The following MR1 variants were observed in gnomAD, a reference collection of about 807,000 sequenced individuals.
The protein encoded by MR1 is major histocompatibility complex class I-related protein 1.
MR1 carries 44 observed loss-of-function variants against 37.8 expected under a neutral mutation model. That is an observed-to-expected ratio of 1.16 (90% CI 0.91 to 1.50). The LOEUF (loss-of-function observed/expected upper bound fraction) is 1.50, where lower values mean the gene tolerates loss of function less well. Among genes scored for constraint, MR1 ranks in the 40% most tolerant of loss-of-function variants. The pLI is 0.00. For missense variants in MR1, 386 were observed against 419.1 expected (o/e 0.92, Z 0.69); for synonymous variants, 153 against 155.8 (o/e 0.98, Z 0.13).
Position 181,052,578 on chromosome 1 carries a change from C to T in MR1, c.880+68C>T, listed in dbSNP as rs551334869. 7.9e-6 allele frequency: 12 copies of T among 1,528,246 alleles called. No individual in the cohort carries two copies. In the East Asian group the frequency reaches 1.1e-4, roughly 14 times the overall value. The allele number at this position is 1,528,246 out of a possible 1,614,324, so 94.7% of individuals were successfully genotyped here. A position where few individuals can be genotyped will look rare whatever the true frequency, so the allele number is the denominator to read the frequency against. On this transcript the variant is annotated intron_variant, in intron 4 of 5. Coordinates refer to ENST00000367580, the MANE Select transcript of MR1 (RefSeq NM_001385161.1). The stretch of plus-strand genomic sequence containing the variant: ...AAAGGGGTGAGCAGGAAACCATGCT[C>T]GCTGCCAGGGAGGGGAGGATAGATC...
intron 1 of MR1, among the ~76,000 whole-genome samples, chr1:181,043,188 C>G (rs1284807138): frequency 6.6e-6 from 1 of 152,186 alleles, no homozygotes; most frequent in Non-Finnish European, 1.5e-5. Context: ...CCCTCCCAAC[C>G]CAAGCCCTCA....
In MR1 at chr1:181,052,247, T is replaced by G; in HGVS notation, c.617T>G (p.Val206Gly). 6.2e-7 allele frequency: 1 copy of G among 1,614,000 alleles called. No individual in the cohort carries two copies. Among genetic ancestry groups the G allele is most frequent in the Non-Finnish European group, 8.5e-7 (1 of 1,179,894 alleles). The change falls in exon 4 of 6, where the codon GTC (valine) becomes GGC (glycine). Residue 206 changes from valine to glycine, a missense_variant. Physicochemically the swap from Val to Gly is moderately radical, Grantham distance 109. Transcript: ENST00000367580. ...TTCTTCTTCCTAGAGCCCCCACTGG[T>G]CAGAGTAAATCGCAAAGAAACTTTT... Reference protein sequence around the residue: ...DTLQRTEPPLVRVNRKETFPG... With the variant: ...DTLQRTEPPLGRVNRKETFPG...
At position 181,050,272 on chromosome 1, in the gene MR1, C is replaced by A; in HGVS notation, c.590C>A (p.Thr197Asn). 2 of 1,614,154 alleles carry A rather than the reference C, an allele frequency of 1.2e-6. No homozygotes were observed. The highest frequency in any genetic ancestry group is 1.7e-6 in the Non-Finnish European group (2 of 1,180,026). Reference sequence around the variant, plus strand: ...AGATTCCTGGAGTATGGGAAAGACACCCTACAAAGAACAGGTAAAGAGAAA... The same window carrying A: ...AGATTCCTGGAGTATGGGAAAGACAACCTACAAAGAACAGGTAAAGAGAAA... ...LKRFLEYGKD[T>N]LQRTEPPLVR... is the part of the protein sequence containing the mutation. The change falls in exon 3 of 6, where the codon ACC becomes AAC. Residue 197 changes from threonine to asparagine, a missense_variant. Transcript: ENST00000367580.
rs187757802 is a variant in MR1, at chr1:181,042,064, T to G, written c.68-6988T>G. Among the ~76,000 whole-genome samples, 311 of 152,298 alleles carry G rather than the reference T, an allele frequency of 2.0e-3. 6 individuals carry two copies. Among genetic ancestry groups the G allele is most frequent in the Admixed American group, 0.018 (269 of 15,300 alleles). ...TCTTTAGACAGTTGTGTACCTCCAG[T>G]GTAGCCACAAAACTTTCCAGATGTG... On this transcript the variant is annotated intron_variant, in intron 1 of 5. Transcript: ENST00000367580.
Position 181,060,937 on chromosome 1 carries a change from T to TGAAAACACTCA in MR1, c.*5675_*5685dup, listed in dbSNP as rs1287174917. On this transcript the variant is annotated 3_prime_UTR_variant, in exon 6 of 6. Coordinates refer to ENST00000367580, the MANE Select transcript of MR1 (RefSeq NM_001385161.1). ...TGGGGTCCCCTGGATATAAGATTTC[T>TGAAAACACTCA]GAAAACACTCAGACTGTGGAGACCC... 6.6e-6 allele frequency: 1 copy of TGAAAACACTCA among 152,226 alleles called. No individual in the cohort carries two copies. Among genetic ancestry groups the TGAAAACACTCA allele is most frequent in the African/African-American group, 2.4e-5 (1 of 41,424 alleles). 9.4% of individuals were successfully genotyped at this position (152,226 alleles called of 1,614,324 possible). A position where few individuals can be genotyped will look rare whatever the true frequency, so the allele number is the denominator to read the frequency against.
chr1:181,042,225 G>C (rs796679648), intron 1 of MR1, among the ~76,000 whole-genome samples: 14 of 133,466 alleles, frequency 1.0e-4, no homozygotes, highest in African/African-American at 4.1e-4. Flanking sequence ...TTTTTGAGAT[G>C]GAGTCTCGCT....
At chr1:181,050,315 A>T in intron 3 of MR1, 29 bp downstream of exon 3, 1 of 1,613,486 alleles carries the variant, frequency 6.2e-7, no homozygotes, top group South Asian at 1.1e-5. Flanking sequence ...CCTCATTCCC[A>T]CATTGCCTGA....
chr1:181,054,099 G>T (rs1250008801), intron 5 of MR1, among the ~76,000 whole-genome samples: 3 of 152,176 alleles, frequency 2.0e-5, no homozygotes, highest in Admixed American at 6.5e-5. Flanking sequence ...GCATATGAAA[G>T]TCCTTTTCCT....
chr1:181,048,666 TC>T (rs1658076466), intron 1 of MR1, among the ~76,000 whole-genome samples: 1 of 152,138 alleles, frequency 6.6e-6, no homozygotes, highest in Non-Finnish European at 1.5e-5. Flanking sequence ...GAAGGCTGCG[TC>T]ATCAGGGTTT....
At chr1:181,050,421 G>C (rs1049189254) in intron 3 of MR1, 135 bp downstream of exon 3, 24 of 1,137,760 alleles carry the variant, frequency 2.1e-5, no homozygotes, top group African/African-American at 9.4e-5. Flanking sequence ...CTCATGGCTA[G>C]AGCCCCCACG....
intron 1 of MR1, among the ~76,000 whole-genome samples, chr1:181,044,919 G>A (rs1234169298): frequency 6.6e-6 from 1 of 152,242 alleles, no homozygotes; most frequent in East Asian, 1.9e-4. Context: ...CTCAGGCTGA[G>A]GGCCGGGGAC....
At chr1:181,039,678 C>T (rs1397951522) in intron 1 of MR1, among the ~76,000 whole-genome samples, 2 of 151,894 alleles carry the variant, frequency 1.3e-5, no homozygotes, top group African/African-American at 4.8e-5. Flanking sequence ...CCAGCCTGAC[C>T]AACATGGTGA....
Position 181,050,091 on chromosome 1 carries a change from G to A in MR1, c.409G>A (p.Asp137Asn), listed in dbSNP as rs751108674. The A allele has an allele frequency of 2.5e-6, 4 of 1,614,076 alleles. No homozygotes were observed. Among genetic ancestry groups the A allele is most frequent in the East Asian group, 4.5e-5 (2 of 44,896 alleles). ...CACAGGATTTCTGCAGTATGCATAT[G>A]ACGGGCAGGATTTCCTGATCTTCAA... is the stretch of plus-strand genomic sequence containing the variant. ...STTGFLQYAY[D>N]GQDFLIFNKD... Residue 137 changes from aspartate to asparagine, a missense_variant, in exon 3 of 6, where the codon GAC becomes AAC. Asp to Asn is a conservative substitution (Grantham distance 23). Transcript: ENST00000367580.
intron 1 of MR1, among the ~76,000 whole-genome samples, chr1:181,045,417 C>T (rs556373251): frequency 4.0e-4 from 61 of 152,184 alleles, no homozygotes; most frequent in Admixed American, 4.6e-4. Context: ...CTGCCCGTGA[C>T]GCCTGTCACT....
chr1:181,048,503 C>A (rs879491827), intron 1 of MR1, among the ~76,000 whole-genome samples: 4 of 151,854 alleles, frequency 2.6e-5, no homozygotes, highest in Non-Finnish European at 5.9e-5. Flanking sequence ...CCATTGCACT[C>A]CAGCCTGGGC....
intron 1 of MR1, among the ~76,000 whole-genome samples, chr1:181,041,306 A>G (rs16856663): frequency 0.3 from 44,990 of 151,986 alleles, 7,624 homozygotes; most frequent in African/African-American, 0.47. Flanking sequence ...AAATCCTGCT[A>G]TTGGGCACTA....
intron 1 of MR1, among the ~76,000 whole-genome samples, chr1:181,039,875 A>T (rs1657465299): frequency 6.6e-6 from 1 of 151,816 alleles, no homozygotes; most frequent in Non-Finnish European, 1.5e-5. Context: ...CAAAAAAAAA[A>T]AAAAAAGAAA....
rs1658730225 is a variant in MR1, at chr1:181,058,468, G to GA, written c.*3208dup. 6.6e-6 allele frequency: 1 copy of GA among 152,168 alleles called. No individual in the cohort carries two copies. The highest frequency in any genetic ancestry group is 2.1e-4 in the South Asian group (1 of 4,828). The allele number at this position is 152,168 out of a possible 1,614,324, so 9.4% of individuals were successfully genotyped here. The stretch of plus-strand genomic sequence containing the variant: ...GAGAAAGCAGTTTAAAGAGCAGGGT[G>GA]AAAAATCCAACAAGACTCCATCGAG... On this transcript the variant is annotated 3_prime_UTR_variant, in exon 6 of 6. Transcript: ENST00000367580.
chr1:181,054,677 C>A (rs976316764), intron 5 of MR1, among the ~76,000 whole-genome samples: 1 of 149,776 alleles, frequency 6.7e-6, no homozygotes, highest in Non-Finnish European at 1.5e-5. Context: ...CATGGTGAAA[C>A]CCTGCCTCTA....
Sources: gnomAD v4.1 joint callset for allele counts (sites outside exome capture counted in the v4.1 genomes callset) on GRCh38, gnomAD v4.1.1 for gene constraint, MANE v1.5 for transcripts, NCBI Gene and HGNC (gene_info 2026-07-23, HGNC 2026-07-21) for gene names.